Variants in RARB observed in about 807,000 individuals in gnomAD.
The protein encoded by RARB is retinoic acid receptor beta, also known as HBV-activated protein.
RARB carries 17 observed loss-of-function variants against 51.9 expected under a neutral mutation model. That is an observed-to-expected ratio of 0.33 (90% CI 0.22 to 0.49). RARB has a LOEUF of 0.49. RARB is among the 20% of genes least tolerant of loss of function. The pLI is 0.99. For missense variants in RARB, 369 were observed against 550.8 expected (o/e 0.67, Z 3.30); for synonymous variants, 215 against 195.4 (o/e 1.10, Z -0.84).
At chr3:25,100,841 T>C (rs1699386364) in intron 3 of RARB, among the ~76,000 whole-genome samples, 1 of 152,116 alleles carries the variant, frequency 6.6e-6, no homozygotes, top group Non-Finnish European at 1.5e-5. Flanking sequence ...TTTGGTGAGA[T>C]AGGGAAATGG....
intron 5 of RARB, among the ~76,000 whole-genome samples, chr3:25,320,486 C>G (rs139083083): frequency 1.3e-5 from 2 of 152,170 alleles, no homozygotes; most frequent in African/African-American, 2.4e-5. Flanking sequence ...CAATGAGAGG[C>G]CTGTCTGCCC....
chr3:25,595,787 A>C (rs917723802), intron 7 of RARB, among the ~76,000 whole-genome samples: 1 of 152,196 alleles, frequency 6.6e-6, no homozygotes, highest in African/African-American at 2.4e-5. Flanking sequence ...GAGTGCTGCT[A>C]AATCTAGTTG....
At chr3:25,018,825 A>G (rs2125283699) in intron 2 of RARB, among the ~76,000 whole-genome samples, 1 of 152,294 alleles carries the variant, frequency 6.6e-6, no homozygotes, top group African/African-American at 2.4e-5. Context: ...ATTGCCTTAC[A>G]ATAGCAAACT....
chr3:24,938,981 TTTG>T (rs71057691), intron 2 of RARB, among the ~76,000 whole-genome samples: 3 of 148,338 alleles, frequency 2.0e-5, no homozygotes, highest in Admixed American at 2.0e-4. Context: ...CATTTAGTTT[TTTG>T]TTGTTGTTTT....
chr3:25,580,492 C>T lies in RARB; in HGVS notation c.610-54C>T, dbSNP rs1327713088. The T allele has an allele frequency of 3.5e-6, 5 of 1,446,112 alleles. No individual in the cohort carries two copies. In the African/African-American group the frequency reaches 4.2e-5, roughly 12 times the overall value. 89.6% of individuals were successfully genotyped at this position (1,446,112 alleles called of 1,614,324 possible). On this transcript the variant is annotated intron_variant, in intron 4 of 7. Coordinates refer to ENST00000330688, the MANE Select transcript of RARB (RefSeq NM_000965.5). ...ATTGGAAACACATTGAATTTCTCCC[C>T]TCCTATAGAGCTTCCCGGAAACTGT...
At chr3:25,088,396 G>A (rs1157047699) in intron 3 of RARB, among the ~76,000 whole-genome samples, 1 of 152,124 alleles carries the variant, frequency 6.6e-6, no homozygotes, top group African/African-American at 2.4e-5. Flanking sequence ...TTGTTTGCTT[G>A]CCACGCTGGT....
chr3:25,212,800 T>A (rs140211500), intron 5 of RARB, among the ~76,000 whole-genome samples: 389 of 152,336 alleles, frequency 2.6e-3, no homozygotes, highest in African/African-American at 8.7e-3. Context: ...CCTATGATTG[T>A]TAGCTTGAAC....
intron 2 of RARB, among the ~76,000 whole-genome samples, chr3:25,042,015 G>T (rs1698124892): frequency 1.3e-5 from 2 of 152,092 alleles, no homozygotes; most frequent in African/African-American, 2.4e-5. Context: ...AGGTCCCCTG[G>T]CCCCAGGTGT....
intron 3 of RARB, among the ~76,000 whole-genome samples, chr3:25,070,382 A>G (rs1056140284): frequency 6.6e-6 from 1 of 152,156 alleles, no homozygotes; most frequent in Admixed American, 6.5e-5. Context: ...AATTTAACCC[A>G]AAACTGTGAC....
At chr3:25,490,836 T>A (rs1696697072) in intron 2 of RARB, among the ~76,000 whole-genome samples, 1 of 152,200 alleles carries the variant, frequency 6.6e-6, no homozygotes, top group South Asian at 2.1e-4. Context: ...ATAACTGACC[T>A]AAGTAATTTA....
Position 25,021,388 on chromosome 3 carries a change from T to A in RARB, c.-379-38737T>A, listed in dbSNP as rs373487182. Among the ~76,000 whole-genome samples, 87 of 152,234 alleles carry A rather than the reference T, an allele frequency of 5.7e-4. 1 individual carries two copies. The highest frequency in any genetic ancestry group is 2.0e-3 in the African/African-American group (84 of 41,550). On this transcript the variant is annotated intron_variant, in intron 2 of 11. Coordinates refer to the RARB transcript ENST00000383772. ...GAAAGTCAGTTTATTGCCTTTTTTT[T>A]AGTCAGATCAAAAATACCATAAGAT...
intron 5 of RARB, among the ~76,000 whole-genome samples, chr3:25,261,367 T>G (rs1479617132): frequency 6.6e-6 from 1 of 152,130 alleles, no homozygotes; most frequent in Non-Finnish European, 1.5e-5. Context: ...TTCTCCAGGC[T>G]GTTTTCTGCT....
At chr3:25,595,730 A>C (rs1352209702) in intron 7 of RARB, among the ~76,000 whole-genome samples, 2 of 152,132 alleles carry the variant, frequency 1.3e-5, no homozygotes, top group Non-Finnish European at 2.9e-5. Context: ...TTCTCATTTT[A>C]TTTAACAAAT....
intron 5 of RARB, among the ~76,000 whole-genome samples, chr3:25,183,570 T>A (rs1298868919): frequency 6.6e-6 from 1 of 152,218 alleles, no homozygotes; most frequent in Non-Finnish European, 1.5e-5. Context: ...TACAAGTTCA[T>A]ATTCAAGTTT....
At chr3:25,571,583 T>C (rs1700713826) in intron 4 of RARB, among the ~76,000 whole-genome samples, 1 of 152,220 alleles carries the variant, frequency 6.6e-6, no homozygotes, top group Non-Finnish European at 1.5e-5. Context: ...AGGACAAGAC[T>C]GGACACTGTA....
chr3:25,146,975 T>C (rs992663617), intron 4 of RARB, among the ~76,000 whole-genome samples: 1 of 152,178 alleles, frequency 6.6e-6, no homozygotes, highest in Non-Finnish European at 1.5e-5. Context: ...TTTAACACTA[T>C]GAATGCCTGG....
At chr3:25,072,314 A>G (rs150696654) in intron 3 of RARB, among the ~76,000 whole-genome samples, 1 of 152,350 alleles carries the variant, frequency 6.6e-6, no homozygotes, top group Non-Finnish European at 1.5e-5. Context: ...CTGGAGAGCC[A>G]GTCACCGCCT....
At chr3:25,145,219 A>G (rs1194529487) in intron 4 of RARB, among the ~76,000 whole-genome samples, 2 of 152,158 alleles carry the variant, frequency 1.3e-5, no homozygotes, top group African/African-American at 4.8e-5. Flanking sequence ...CTCTGTCTTT[A>G]ATGGTTGCAT....
At chr3:25,009,870 C>A (rs977149104) in intron 2 of RARB, among the ~76,000 whole-genome samples, 2 of 152,018 alleles carry the variant, frequency 1.3e-5, no homozygotes, top group African/African-American at 2.4e-5. Flanking sequence ...GGGAGACAAG[C>A]AGGAAGGAAG....
Sources: gnomAD v4.1 joint callset for allele counts (sites outside exome capture counted in the v4.1 genomes callset) on GRCh38, gnomAD v4.1.1 for gene constraint, MANE v1.5 for transcripts, NCBI Gene and HGNC (gene_info 2026-07-23, HGNC 2026-07-21) for gene names.